CCDC192: variants seen among roughly 807,000 people sequenced by gnomAD.
The protein encoded by CCDC192 is coiled-coil domain-containing protein 192.
intron 5 of CCDC192, among the ~76,000 whole-genome samples, chr5:127,804,996 C>T (rs187356031): frequency 9.2e-5 from 14 of 152,186 alleles, no homozygotes; most frequent in Admixed American, 7.9e-4. Flanking sequence ...AGTGCAGTGC[C>T]GGGGATTGAG....
intron 2 of CCDC192, among the ~76,000 whole-genome samples, chr5:127,717,894 T>C (rs1417197652): frequency 7.3e-6 from 1 of 137,776 alleles, no homozygotes; most frequent in Non-Finnish European, 1.5e-5. Context: ...AGAACTATCT[T>C]GTGACCAGAA....
intron 5 of CCDC192, among the ~76,000 whole-genome samples, chr5:127,862,311 T>G (rs1219209379): frequency 6.6e-6 from 1 of 152,146 alleles, no homozygotes; most frequent in Non-Finnish European, 1.5e-5. Flanking sequence ...TCTGCAACAT[T>G]CTGGAGTTAC....
intron 2 of CCDC192, among the ~76,000 whole-genome samples, chr5:127,738,876 G>C (rs1753203592): frequency 1.3e-5 from 2 of 151,938 alleles, no homozygotes; most frequent in Non-Finnish European, 2.9e-5. Context: ...TGGTTTGAAT[G>C]TCCTCCCATA....
chr5:127,887,360 T>C (rs1752599375), intron 6 of CCDC192, among the ~76,000 whole-genome samples: 1 of 141,380 alleles, frequency 7.1e-6, no homozygotes. Context: ...TCCCCAAATG[T>C]ATAAGGCAAT....
intron 6 of CCDC192, among the ~76,000 whole-genome samples, chr5:127,931,092 C>T (rs1580839563): frequency 6.6e-6 from 1 of 152,216 alleles, no homozygotes; most frequent in East Asian, 1.9e-4. Context: ...GGGGGATTCA[C>T]TTCCTCCCTG....
chr5:127,814,696 C>T (rs1758277859), intron 5 of CCDC192, among the ~76,000 whole-genome samples: 1 of 152,206 alleles, frequency 6.6e-6, no homozygotes, highest in South Asian at 2.1e-4. Flanking sequence ...CCTTTCAGCC[C>T]TGGATCTTAG....
intron 2 of CCDC192, among the ~76,000 whole-genome samples, chr5:127,752,924 T>C (rs956408407): frequency 1.3e-5 from 2 of 152,230 alleles, no homozygotes; most frequent in Non-Finnish European, 2.9e-5. Flanking sequence ...GGGAACTCCC[T>C]GACCCCTTGC....
chr5:127,910,412 GT>G (rs1753313808), intron 6 of CCDC192, among the ~76,000 whole-genome samples: 1 of 152,174 alleles, frequency 6.6e-6, no homozygotes, highest in Non-Finnish European at 1.5e-5. Flanking sequence ...TAAAACCAAT[GT>G]GGCTGGCTTT....
intron 6 of CCDC192, among the ~76,000 whole-genome samples, chr5:127,906,876 C>T (rs546029719): frequency 3.3e-4 from 51 of 152,320 alleles, no homozygotes; most frequent in African/African-American, 1.2e-3. Context: ...TTCTAGGTCA[C>T]ATGGTTGTTC....
chr5:127,740,347 T>C (rs1267819082), intron 2 of CCDC192: 1 of 152,204 alleles, frequency 6.6e-6, no homozygotes, highest in East Asian at 1.9e-4. Flanking sequence ...ATCTGTCTTC[T>C]GTGCCTTATA....
At chr5:127,756,714 C>T (rs1754621696) in intron 3 of CCDC192, among the ~76,000 whole-genome samples, 1 of 152,168 alleles carries the variant, frequency 6.6e-6, no homozygotes, top group Non-Finnish European at 1.5e-5. Context: ...CAGATTGGAC[C>T]CCAGGCAAGA....
intron 6 of CCDC192, among the ~76,000 whole-genome samples, chr5:127,936,577 C>T (rs889018488): frequency 1.2e-5 from 1 of 83,892 alleles, no homozygotes; most frequent in Non-Finnish European, 3.0e-5. Context: ...TATTTTAAGT[C>T]ATAGAAGAAA....
At chr5:127,746,612 CTTTTTTT>C (rs5871272) in intron 2 of CCDC192, among the ~76,000 whole-genome samples, 3 of 143,628 alleles carry the variant, frequency 2.1e-5, no homozygotes, top group Admixed American at 6.9e-5. Flanking sequence ...TGTTTAAAGC[CTTTTTTT>C]TTTTTTTGAG....
chr5:127,935,019 C>A (rs990622241), intron 6 of CCDC192, among the ~76,000 whole-genome samples: 19 of 152,156 alleles, frequency 1.2e-4, no homozygotes, highest in Admixed American at 5.2e-4. Context: ...CACCGGTGAT[C>A]CTTGTTGGGT....
chr5:127,918,131 T>C (rs1035467394), intron 6 of CCDC192, among the ~76,000 whole-genome samples: 5 of 149,692 alleles, frequency 3.3e-5, no homozygotes, highest in African/African-American at 5.0e-5. Context: ...CAAGACCCTG[T>C]CTCAAAAGCA....
intron 6 of CCDC192, 49 bp downstream of exon 6, chr5:127,875,710 T>A: frequency 2.5e-6 from 1 of 397,988 alleles, no homozygotes; most frequent in Admixed American, 4.4e-5. Flanking sequence ...AGCTGGGTGA[T>A]GTATGTAGTT....
chr5:127,770,631 AT>A (rs756274488), intron 3 of CCDC192, among the ~76,000 whole-genome samples: 59 of 152,296 alleles, frequency 3.9e-4, no homozygotes, highest in Non-Finnish European at 5.9e-4. Flanking sequence ...ACATTATTTA[AT>A]TTTAGATGCT....
chr5:127,858,291 A>G (rs1471960936), intron 5 of CCDC192, among the ~76,000 whole-genome samples: 1 of 152,014 alleles, frequency 6.6e-6, no homozygotes, highest in Admixed American at 6.6e-5. Context: ...GGCCCTCTGG[A>G]TTTCATCCAG....
chr5:127,706,297 G>A (rs1402343003), intron 1 of CCDC192, among the ~76,000 whole-genome samples: 1 of 152,120 alleles, frequency 6.6e-6, no homozygotes, highest in African/African-American at 2.4e-5. Flanking sequence ...GGGAAGCCGA[G>A]GTGGGTGGAT....
Sources: gnomAD v4.1 joint callset for allele counts (sites outside exome capture counted in the v4.1 genomes callset) on GRCh38, gnomAD v4.1.1 for gene constraint, MANE v1.5 for transcripts, NCBI Gene and HGNC (gene_info 2026-07-23, HGNC 2026-07-21) for gene names.